The following CHD6 variants were observed in gnomAD, a reference collection of about 807,000 sequenced individuals.
The protein encoded by CHD6 is chromodomain helicase DNA binding protein 6.
Under a neutral mutation model 276.9 loss-of-function variants are expected in CHD6, and 50 were observed. The observed-to-expected ratio is 0.18, with a 90% CI of 0.14 to 0.23. The LOEUF (loss-of-function observed/expected upper bound fraction) is 0.23. Among genes scored for constraint, CHD6 ranks in the 10% least tolerant of loss-of-function variants. The pLI, the probability that CHD6 is intolerant of heterozygous loss-of-function variation, is 1.00. For synonymous variants in CHD6, 1,173 were observed against 1,229.3 expected (o/e 0.95, Z 0.96); for missense variants, 2,564 against 3,365.8 (o/e 0.76, Z 5.89).
intron 16 of CHD6, among the ~76,000 whole-genome samples, chr20:41,482,956 T>C (rs1202104848): frequency 6.6e-6 from 1 of 152,204 alleles, no homozygotes; most frequent in Non-Finnish European, 1.5e-5. Context: ...GATATATTTC[T>C]TTCACCATTA....
intron 1 of CHD6, among the ~76,000 whole-genome samples, chr20:41,594,282 G>A (rs2045694891): frequency 6.6e-6 from 1 of 152,132 alleles, no homozygotes; most frequent in Non-Finnish European, 1.5e-5. Flanking sequence ...CACATCCCAT[G>A]GCTCCAGCCT....
At chr20:41,433,550 T>G (rs2047610352) in intron 27 of CHD6, among the ~76,000 whole-genome samples, 1 of 151,986 alleles carries the variant, frequency 6.6e-6, no homozygotes, top group South Asian at 2.1e-4. Flanking sequence ...CATTCTCAGA[T>G]GAAGAAAAAC....
intron 11 of CHD6, among the ~76,000 whole-genome samples, chr20:41,491,473 A>AG (rs2043552840): frequency 6.6e-6 from 1 of 151,854 alleles, no homozygotes; most frequent in African/African-American, 2.4e-5. Context: ...GGCCAAAAAA[A>AG]AAAGGCACAA....
At chr20:41,535,474 C>T (rs2044808480) in intron 2 of CHD6, among the ~76,000 whole-genome samples, 1 of 152,196 alleles carries the variant, frequency 6.6e-6, no homozygotes, top group Non-Finnish European at 1.5e-5. Context: ...CTGGCCAAAG[C>T]TCACACCCAA....
intron 1 of CHD6, among the ~76,000 whole-genome samples, chr20:41,611,166 T>C (rs976947610): frequency 6.6e-6 from 1 of 152,194 alleles, no homozygotes; most frequent in Non-Finnish European, 1.5e-5. Flanking sequence ...TAAATAACTA[T>C]CAATTTTTAT....
In CHD6 at chr20:41,473,562, T is replaced by G; in HGVS notation, c.2469-45A>C. 6.6e-7 allele frequency: 1 copy of G among 1,517,560 alleles called. No homozygotes were observed. Among genetic ancestry groups the G allele is most frequent in the Non-Finnish European group, 9.1e-7 (1 of 1,095,488 alleles). 94.0% of individuals were successfully genotyped at this position (1,517,560 alleles called of 1,614,324 possible). ...CGAAAGCCCAGGCGTTAATCATGAC[T>G]TCAATGGAGAACAGCACAAAATGCA... On this transcript the variant is annotated intron_variant, in intron 16 of 36. Coordinates refer to ENST00000373233, the MANE Select transcript of CHD6 (RefSeq NM_032221.5). The surrounding 1 kb of genome is among the most constrained non-coding windows in gnomAD (Gnocchi z 4.1).
chr20:41,520,481 T>C (rs2044364426), intron 3 of CHD6, among the ~76,000 whole-genome samples: 2 of 152,088 alleles, frequency 1.3e-5, no homozygotes, highest in South Asian at 4.1e-4. Flanking sequence ...CATGGAATAC[T>C]ATGCAGCCAT....
chr20:41,506,355 G>C (rs779974258), intron 5 of CHD6, among the ~76,000 whole-genome samples: 1 of 151,594 alleles, frequency 6.6e-6, no homozygotes, highest in South Asian at 2.1e-4. Flanking sequence ...CATCTGTTAT[G>C]TTTCAGTTAT....
chr20:41,405,291 T>A lies in CHD6; in HGVS notation c.7450A>T (p.Met2484Leu). Residue 2484 changes from methionine (M) to leucine (L), a missense_variant, in exon 37 of 37, where the codon ATG becomes TTG. Around this residue, in one of 7 missense-constraint regions of CHD6, gnomAD observed 25 missense variants for 50.8 expected, o/e 0.49. Transcript: ENST00000373233. ...AGMDLVGLQN[M>L]RNMPGIPLTG... ...AGGGGGATGCCTGGCATATTTCTCA[T>A]GTTCTGAAGTCCTACCAGGTCCATC... 1.9e-6 allele frequency: 3 copies of A among 1,614,204 alleles called. No individual in the cohort carries two copies. Among genetic ancestry groups the A allele is most frequent in the Non-Finnish European group, 2.5e-6 (3 of 1,180,034 alleles).
At position 41,405,457 on chromosome 20, in the gene CHD6, A is replaced by T; in HGVS notation, c.7284T>A (p.Thr2428=). 2 of 1,571,528 alleles carry T rather than the reference A, an allele frequency of 1.3e-6. No homozygotes were observed. The highest frequency in any genetic ancestry group is 1.7e-6 in the Non-Finnish European group (2 of 1,158,482). The change falls in exon 37 of 37, where the codon ACT becomes ACA. Residue 2428 remains threonine (T), a synonymous_variant. Coordinates refer to ENST00000373233, the MANE Select transcript of CHD6 (RefSeq NM_032221.5). The stretch of plus-strand genomic sequence containing the variant: ...TATCTCGAAGAATAGGCTCAGCCAG[A>T]GTGTGATTGAACTTGTTTTCTGGAA... ...GFLPENKFNH[T]LAEPILRDTG... is the part of the protein sequence containing the mutation.
chr20:41,512,268 G>A (rs1279626367), intron 5 of CHD6, among the ~76,000 whole-genome samples: 3 of 151,928 alleles, frequency 2.0e-5, no homozygotes, highest in Admixed American at 2.0e-4. Context: ...GCCCGGCCAA[G>A]ACTTTCACAT....
At chr20:41,565,390 A>G (rs2045344797) in intron 1 of CHD6, among the ~76,000 whole-genome samples, 1 of 152,168 alleles carries the variant, frequency 6.6e-6, no homozygotes, top group Non-Finnish European at 1.5e-5. Flanking sequence ...CACCGCGCCC[A>G]GCTGGATTCT....
intron 1 of CHD6, among the ~76,000 whole-genome samples, chr20:41,617,330 T>C (rs1181933045): frequency 6.6e-6 from 1 of 152,222 alleles, no homozygotes; most frequent in African/African-American, 2.4e-5. Flanking sequence ...CCCACACGAC[T>C]GAAACCACAG....
At chr20:41,521,617 T>C (rs1470980389) in intron 3 of CHD6, among the ~76,000 whole-genome samples, 1 of 152,170 alleles carries the variant, frequency 6.6e-6, no homozygotes, top group African/African-American at 2.4e-5. Flanking sequence ...TTGTATGTAT[T>C]TTCCCCCTAG....
At chr20:41,582,508 C>G (rs1237362096) in intron 1 of CHD6, among the ~76,000 whole-genome samples, 1 of 152,138 alleles carries the variant, frequency 6.6e-6, no homozygotes, top group Non-Finnish European at 1.5e-5. Context: ...ACCAATGTAA[C>G]AGTAGTAGTC....
At chr20:41,611,281 T>C (rs895355332) in intron 1 of CHD6, among the ~76,000 whole-genome samples, 2 of 152,188 alleles carry the variant, frequency 1.3e-5, no homozygotes, top group African/African-American at 2.4e-5. Context: ...CCAAAAAGGG[T>C]AGAAATGCTA....
At position 41,496,183 on chromosome 20, in the gene CHD6, C is replaced by T. The variant is rs534849341; in HGVS notation, c.1092+1201G>A. Among the ~76,000 whole-genome samples, 5 of 152,332 alleles carry T rather than the reference C, an allele frequency of 3.3e-5. No individual in the cohort carries two copies. In the East Asian group the frequency reaches 5.8e-4, roughly 18 times the overall value. ...AAACAGCCATGTCCTACTCTTGACA[C>T]GCAGTAAATGTGTAGTTAATTGAAC... On this transcript the variant is annotated intron_variant, in intron 8 of 36. Transcript: ENST00000373233.
chr20:41,417,352 G>T lies in CHD6; in HGVS notation c.6128-3C>A, dbSNP rs1303104962. The T allele has an allele frequency of 1.4e-5, 22 of 1,609,598 alleles. No individual in the cohort carries two copies. The highest frequency in any genetic ancestry group is 1.9e-5 in the Non-Finnish European group (22 of 1,178,898). On this transcript the variant is annotated splice_region_variant and splice_polypyrimidine_tract_variant and intron_variant, in intron 31 of 36. Transcript: ENST00000373233. The stretch of plus-strand genomic sequence containing the variant: ...TTCAGAGTACTTCCCTGGATAATCT[G>T]GGAAGAGGTTAAAAAATTAATCAGG...
chr20:41,531,578 T>C (rs1215769855), intron 3 of CHD6, among the ~76,000 whole-genome samples: 2 of 152,208 alleles, frequency 1.3e-5, no homozygotes, highest in African/African-American at 4.8e-5. Flanking sequence ...TCCTGAGTTT[T>C]GTCTACCTCT....
Sources: gnomAD v4.1 joint callset for allele counts (sites outside exome capture counted in the v4.1 genomes callset) on GRCh38, gnomAD v4.1.1 for gene constraint, gnomAD v4.1.1 regional missense constraint, Gnocchi (gnomAD v3.1) non-coding constraint, MANE v1.5 for transcripts, NCBI Gene and HGNC (gene_info 2026-07-23, HGNC 2026-07-21) for gene names.